The following EML4 variants were observed in gnomAD, a reference collection of about 807,000 sequenced individuals.
The protein encoded by EML4 is echinoderm microtubule-associated protein-like 4.
A neutral mutation model predicts 129.0 loss-of-function variants in EML4; 72 were observed. The observed-to-expected ratio is 0.56, with a 90% CI of 0.46 to 0.68. EML4 has a LOEUF of 0.68. EML4 is among the 30% of genes least tolerant of loss of function. EML4 has a pLI of 0.00. For missense variants in EML4, 1,363 were observed against 1,190.6 expected, an observed-to-expected ratio of 1.14 and a Z score of -2.13; for synonymous variants, 532 against 405.0, an observed-to-expected ratio of 1.31 and a Z score of -3.77.
intron 6 of EML4, among the ~76,000 whole-genome samples, chr2:42,275,698 T>G (rs1034836657): frequency 1.3e-5 from 2 of 152,208 alleles, no homozygotes; most frequent in African/African-American, 4.8e-5. Flanking sequence ...CCAAGGTCTG[T>G]ATCACAAAGC....
intron 6 of EML4, chr2:42,265,037 G>C (rs1665977507): frequency 8.0e-7 from 1 of 1,254,502 alleles, no homozygotes; most frequent in South Asian, 1.3e-5. Flanking sequence ...TATGCTGCCT[G>C]ACTTTCTTCC....
chr2:42,226,770 A>G (rs951219294), intron 1 of EML4, among the ~76,000 whole-genome samples: 5 of 152,126 alleles, frequency 3.3e-5, no homozygotes. Flanking sequence ...ACGTGAGATA[A>G]TGCATATGTT....
intron 17 of EML4, among the ~76,000 whole-genome samples, chr2:42,304,884 C>G (rs188264988): frequency 3.3e-5 from 5 of 152,214 alleles, no homozygotes; most frequent in African/African-American, 4.8e-5. Context: ...TTTGGGAGGC[C>G]AAGGTGGGCG....
chr2:42,213,744 T>C (rs1673017046), intron 1 of EML4, among the ~76,000 whole-genome samples: 1 of 152,206 alleles, frequency 6.6e-6, no homozygotes, highest in Non-Finnish European at 1.5e-5. Context: ...ATGGCAATAA[T>C]TTAATATTTA....
chr2:42,209,573 TC>T (rs1672761574), intron 1 of EML4, among the ~76,000 whole-genome samples: 1 of 152,200 alleles, frequency 6.6e-6, no homozygotes, highest in Admixed American at 6.5e-5. Flanking sequence ...TTCATGATTT[TC>T]CCAGTCTCTT....
At chr2:42,304,796 G>A (rs1425556928) in intron 17 of EML4, among the ~76,000 whole-genome samples, 8 of 152,100 alleles carry the variant, frequency 5.3e-5, no homozygotes, top group Admixed American at 5.2e-4. Context: ...TTCCTGTCCT[G>A]TGAAGCCTAC....
At chr2:42,181,693 T>G (rs557798541) in intron 1 of EML4, among the ~76,000 whole-genome samples, 95 of 152,326 alleles carry the variant, frequency 6.2e-4, no homozygotes, top group African/African-American at 2.2e-3. Context: ...CTAAACTGTC[T>G]TCTTTGTTCT....
Position 42,295,530 on chromosome 2 carries a change from A to G in EML4, c.1489+14A>G. The stretch of plus-strand genomic sequence containing the variant: ...AAGGACCTAAAGGTACAGTATTCTT[A>G]TATTAAACTCATTTCTGGTAATTCT... On this transcript the variant is annotated intron_variant, in intron 13 of 22. Coordinates refer to ENST00000318522, the MANE Select transcript of EML4 (RefSeq NM_019063.5). 1.2e-6 allele frequency: 2 copies of G among 1,604,772 alleles called. No individual in the cohort carries two copies. The highest frequency in any genetic ancestry group is 1.7e-6 in the Non-Finnish European group (2 of 1,177,090).
intron 1 of EML4, among the ~76,000 whole-genome samples, chr2:42,203,689 T>C (rs1452588661): frequency 6.7e-6 from 1 of 149,892 alleles, no homozygotes; most frequent in Admixed American, 6.6e-5. Context: ...TTGGTGTGAA[T>C]TGCAGTTGCC....
At chr2:42,268,398 C>T (rs538293686) in intron 6 of EML4, among the ~76,000 whole-genome samples, 17 of 152,216 alleles carry the variant, frequency 1.1e-4, no homozygotes, top group South Asian at 4.1e-4. Context: ...AACCAGTGTC[C>T]CATGGAAACC....
chr2:42,329,051 G>T, intron 22 of EML4, 35 bp downstream of exon 22: 1 of 1,593,804 alleles, frequency 6.3e-7, no homozygotes, highest in African/African-American at 1.3e-5. Context: ...ATGTTATAAG[G>T]CCTTCTGTCC....
At chr2:42,311,391 C>A (rs1668939507) in intron 17 of EML4, among the ~76,000 whole-genome samples, 1 of 152,088 alleles carries the variant, frequency 6.6e-6, no homozygotes, top group Non-Finnish European at 1.5e-5. Flanking sequence ...CAAAACCCCT[C>A]CTCTACAAAA....
chr2:42,300,941 C>G lies in EML4; in HGVS notation c.1490-300C>G, dbSNP rs1394794624. Among the ~76,000 whole-genome samples, 3 of 152,122 alleles carry G rather than the reference C, an allele frequency of 2.0e-5. 1 individual carries two copies. The highest frequency in any genetic ancestry group is 4.4e-5 in the Non-Finnish European group (3 of 68,030). On this transcript the variant is annotated intron_variant, in intron 13 of 22. Coordinates refer to ENST00000318522, the MANE Select transcript of EML4 (RefSeq NM_019063.5). ...TATGAGAGATAGTAAAGTTCTGAAA[C>G]CTATACTATATCCCCTTTCGTCTGT...
intron 1 of EML4, among the ~76,000 whole-genome samples, chr2:42,193,936 T>G (rs998276791): frequency 1.1e-4 from 17 of 152,184 alleles, no homozygotes; most frequent in Non-Finnish European, 1.9e-4. Flanking sequence ...CCTCTCCCTT[T>G]GGCCTCCCAG....
intron 1 of EML4, among the ~76,000 whole-genome samples, chr2:42,184,119 G>C (rs1235437625): frequency 6.6e-6 from 1 of 152,152 alleles, no homozygotes; most frequent in African/African-American, 2.4e-5. Context: ...CAGCAACAAA[G>C]AAAGAGTTGT....
rs191383331 is a variant in EML4, at chr2:42,205,867, C to T, written c.25+36231C>T. ...GACTATGTAGTCAGTTTCCATTACTCAGTCATTTATCCACAAATATTCTGC... is the reference window on the plus strand; with the variant it reads ...GACTATGTAGTCAGTTTCCATTACTTAGTCATTTATCCACAAATATTCTGC... On this transcript the variant is annotated intron_variant, in intron 1 of 22. Coordinates refer to ENST00000318522, the MANE Select transcript of EML4 (RefSeq NM_019063.5). 1.1e-4 allele frequency among the ~76,000 whole-genome samples: 16 copies of T among 152,254 alleles called. 1 individual carries two copies. Among genetic ancestry groups the T allele is most frequent in the Admixed American group, 1.0e-3 (16 of 15,292 alleles).
intron 1 of EML4, among the ~76,000 whole-genome samples, chr2:42,188,749 C>A (rs1420031936): frequency 6.6e-6 from 1 of 152,122 alleles, no homozygotes; most frequent in Non-Finnish European, 1.5e-5. Context: ...TGGTCTTGAA[C>A]TACTGACCTC....
chr2:42,248,700 T>A (rs764785212), intron 2 of EML4, among the ~76,000 whole-genome samples: 32 of 152,150 alleles, frequency 2.1e-4, no homozygotes, highest in Non-Finnish European at 3.1e-4. Flanking sequence ...TTTTTTCCAA[T>A]TGATTTTTAA....
At chr2:42,252,876 A>G (rs144597184) in intron 2 of EML4, among the ~76,000 whole-genome samples, 57 of 152,144 alleles carry the variant, frequency 3.7e-4, no homozygotes, top group African/African-American at 1.3e-3. Context: ...CACTTCCATG[A>G]TACTCCATTG....
Sources: gnomAD v4.1 joint callset for allele counts (sites outside exome capture counted in the v4.1 genomes callset) on GRCh38, gnomAD v4.1.1 for gene constraint, MANE v1.5 for transcripts, NCBI Gene and HGNC (gene_info 2026-07-23, HGNC 2026-07-21) for gene names.